Variants in NOL4 observed in about 807,000 individuals in gnomAD.
NOL4 encodes the protein cancer/testis antigen 125.
A neutral mutation model predicts 75.9 loss-of-function variants in NOL4; 17 were observed. The ratio of observed to expected loss-of-function variants is 0.22; its 90% confidence interval spans 0.15 to 0.34. The LOEUF (loss-of-function observed/expected upper bound fraction) is 0.34. Ranked by LOEUF, NOL4 falls within the 10% of genes least tolerant of loss-of-function variation. The pLI, the probability that NOL4 is intolerant of heterozygous loss-of-function variation, is 1.00. For synonymous variants in NOL4, 292 were observed against 289.9 expected (o/e 1.01, Z -0.07); for missense variants, 614 against 793.5 (o/e 0.77, Z 2.72).
At chr18:34,098,925 G>A (rs1326947602) in intron 4 of NOL4, among the ~76,000 whole-genome samples, 3 of 151,974 alleles carry the variant, frequency 2.0e-5, no homozygotes, top group Admixed American at 6.5e-5. Flanking sequence ...AATTATTTAC[G>A]GCCAGTTTCC....
At chr18:33,880,824 T>A (rs936700033) in intron 10 of NOL4, among the ~76,000 whole-genome samples, 1 of 152,108 alleles carries the variant, frequency 6.6e-6, no homozygotes, top group Admixed American at 6.6e-5. Flanking sequence ...TGAGTTTTTT[T>A]TTTTTAGTAT....
chr18:34,201,157 T>C (rs1280378103), intron 1 of NOL4, among the ~76,000 whole-genome samples: 1 of 151,752 alleles, frequency 6.6e-6, no homozygotes, highest in South Asian at 2.1e-4. Flanking sequence ...GATATTCTGT[T>C]GGTTTTTTAC....
At chr18:34,005,235 C>A (rs997827108) in intron 6 of NOL4, among the ~76,000 whole-genome samples, 5 of 151,984 alleles carry the variant, frequency 3.3e-5, no homozygotes, top group African/African-American at 1.2e-4. Flanking sequence ...AATTCAATGG[C>A]CCATTTTGCT....
intron 8 of NOL4, among the ~76,000 whole-genome samples, chr18:33,952,022 T>C (rs2069267055): frequency 6.6e-6 from 1 of 152,176 alleles, no homozygotes; most frequent in Admixed American, 6.6e-5. Flanking sequence ...GGGCTTACAA[T>C]TTTGGCTAAG....
At chr18:34,168,448 A>G (rs1005383190) in intron 1 of NOL4, among the ~76,000 whole-genome samples, 2 of 151,598 alleles carry the variant, frequency 1.3e-5, no homozygotes, top group South Asian at 2.1e-4. Flanking sequence ...TCAGGGGGGA[A>G]AAAAGGTCTG....
At chr18:34,126,036 G>T (rs75121238) in intron 2 of NOL4, among the ~76,000 whole-genome samples, 1 of 151,940 alleles carries the variant, frequency 6.6e-6, no homozygotes, top group African/African-American at 2.4e-5. Context: ...GCATTAGAGC[G>T]GGCCTAGGAA....
At chr18:33,890,968 C>T (rs1050730821) in intron 9 of NOL4, among the ~76,000 whole-genome samples, 4 of 151,838 alleles carry the variant, frequency 2.6e-5, no homozygotes, top group Non-Finnish European at 5.9e-5. Flanking sequence ...ACCTCACACA[C>T]TATCCATCAA....
intron 9 of NOL4, among the ~76,000 whole-genome samples, chr18:33,912,233 T>G (rs919129989): frequency 6.6e-6 from 1 of 152,074 alleles, no homozygotes; most frequent in Non-Finnish European, 1.5e-5. Flanking sequence ...TTCCTCATTC[T>G]CAATCTTTTT....
rs74560092 is a variant in NOL4 at position 33,902,627 on chromosome 18, C to T, written c.1543-19203G>A. Among the ~76,000 whole-genome samples the T allele has an allele frequency of 5.5e-3, 841 of 152,202 alleles. 13 individuals carry two copies. Among genetic ancestry groups the T allele is most frequent in the African/African-American group, 0.019 (791 of 41,556 alleles). On this transcript the variant is annotated intron_variant, in intron 9 of 10. Coordinates refer to ENST00000261592, the MANE Select transcript of NOL4 (RefSeq NM_003787.5). ...TGACATACTAATAACCTGGGACACA[C>T]TTTTCCTGTGTTTGATGGAATGTGA...
intron 1 of NOL4, among the ~76,000 whole-genome samples, chr18:34,140,960 A>G (rs1388367796): frequency 6.6e-6 from 1 of 152,092 alleles, no homozygotes; most frequent in Non-Finnish European, 1.5e-5. Flanking sequence ...AAATCTCCTT[A>G]AGCGCATAAG....
Position 34,013,249 on chromosome 18 carries a change from C to T in NOL4, c.1056+6069G>A, listed in dbSNP as rs551373844. ...TCTCCACCACCTATCTAATCAAACA[C>T]CCAATTCTGTCCATTTAATTTTCTA... is the stretch of plus-strand genomic sequence containing the variant. On this transcript the variant is annotated intron_variant, in intron 6 of 10. Coordinates refer to ENST00000261592, the MANE Select transcript of NOL4 (RefSeq NM_003787.5). 7.9e-5 allele frequency among the ~76,000 whole-genome samples: 12 copies of T among 151,980 alleles called. No homozygotes were observed. The South Asian group carries it at 2.1e-3, about 26-fold the overall frequency.
intron 1 of NOL4, among the ~76,000 whole-genome samples, chr18:34,150,784 A>G (rs1251993701): frequency 6.6e-6 from 1 of 151,796 alleles, no homozygotes; most frequent in African/African-American, 2.4e-5. Flanking sequence ...CATGAAAGAC[A>G]TAGTCAAGAG....
At chr18:33,866,890 C>G (rs968364119) in intron 10 of NOL4, among the ~76,000 whole-genome samples, 1 of 152,042 alleles carries the variant, frequency 6.6e-6, no homozygotes, top group African/African-American at 2.4e-5. Flanking sequence ...TTTCAAATAA[C>G]AGGAAGCAAT....
chr18:34,062,848 T>C (rs940000357), intron 5 of NOL4, among the ~76,000 whole-genome samples: 1 of 152,128 alleles, frequency 6.6e-6, no homozygotes, highest in Non-Finnish European at 1.5e-5. Context: ...GAATAAAATG[T>C]CTTGAATATT....
intron 1 of NOL4, among the ~76,000 whole-genome samples, chr18:34,187,678 G>T (rs1331097990): frequency 6.6e-6 from 1 of 152,076 alleles, no homozygotes; most frequent in African/African-American, 2.4e-5. Context: ...GAGCCACCGC[G>T]CCCGGCCAGT....
chr18:33,914,348 T>C (rs1042837065), intron 9 of NOL4, among the ~76,000 whole-genome samples: 4 of 151,938 alleles, frequency 2.6e-5, no homozygotes, highest in Non-Finnish European at 5.9e-5. Flanking sequence ...GTCTGTGTGG[T>C]AGGAAATTAT....
chr18:33,961,049 AC>A (rs1407732340), intron 6 of NOL4, among the ~76,000 whole-genome samples: 3 of 151,994 alleles, frequency 2.0e-5, no homozygotes, highest in Non-Finnish European at 4.4e-5. Context: ...TGGAGCTTTA[AC>A]CTTGACATAA....
chr18:33,954,441 G>A (rs2069492815), intron 8 of NOL4, among the ~76,000 whole-genome samples: 1 of 152,054 alleles, frequency 6.6e-6, no homozygotes, highest in Admixed American at 6.6e-5. Context: ...TATAATCTGT[G>A]AGTATAAAAT....
At chr18:33,881,131 TGA>T (rs1203624191) in intron 10 of NOL4, among the ~76,000 whole-genome samples, 1 of 151,700 alleles carries the variant, frequency 6.6e-6, no homozygotes, top group African/African-American at 2.4e-5. Flanking sequence ...GAAGCAATTG[TGA>T]ATGGGAGTTC....
Sources: allele counts gnomAD v4.1 joint callset (sites outside exome capture counted in the v4.1 genomes callset), GRCh38; gene constraint gnomAD v4.1.1; transcripts MANE v1.5; gene names NCBI Gene and HGNC (gene_info 2026-07-23, HGNC 2026-07-21).